The following SLC35F4 variants were observed in gnomAD, a reference collection of about 807,000 sequenced individuals.
The protein encoded by SLC35F4 is chromosome 14 open reading frame 36.
A neutral mutation model predicts 44.2 loss-of-function variants in SLC35F4; 24 were observed. The observed-to-expected ratio is 0.54, with a 90% CI of 0.39 to 0.76. The LOEUF (loss-of-function observed/expected upper bound fraction) is 0.76, where lower values mean the gene tolerates loss of function less well. Ranked by LOEUF, SLC35F4 falls within the 30% of genes least tolerant of loss-of-function variation. The pLI is 0.00. For missense variants in SLC35F4, 562 were observed against 586.1 expected, an observed-to-expected ratio of 0.96 and a Z score of 0.42; for synonymous variants, 238 against 223.6, an observed-to-expected ratio of 1.06 and a Z score of -0.57.
At position 57,661,538 on chromosome 14, in the gene SLC35F4, T is replaced by A. The variant is rs576529888; in HGVS notation, c.104-67414A>T. ...CAATGATTGCAAGCCAATAAGTACC[T>A]GTAGCAGTAATAAATCAGTAAGAAG... On this transcript the variant is annotated intron_variant, in intron 1 of 7. Coordinates refer to ENST00000556826, the MANE Select transcript of SLC35F4 (RefSeq NM_001306087.2). 5.3e-5 allele frequency among the ~76,000 whole-genome samples: 8 copies of A among 152,338 alleles called. No homozygotes were observed. In the South Asian group the frequency reaches 1.5e-3, roughly 28 times the overall value.
intron 1 of SLC35F4, among the ~76,000 whole-genome samples, chr14:57,854,717 G>C (rs1249772267): frequency 6.6e-6 from 1 of 152,168 alleles, no homozygotes; most frequent in Non-Finnish European, 1.5e-5. Flanking sequence ...ACTGGCTGTC[G>C]ATTTGCCTCA....
At chr14:57,682,331 C>A (rs1395584284) in intron 1 of SLC35F4, among the ~76,000 whole-genome samples, 9 of 152,116 alleles carry the variant, frequency 5.9e-5, no homozygotes, top group Admixed American at 4.6e-4. Context: ...AAGATGAGTT[C>A]ATATCCTTTG....
At chr14:57,957,247 C>A (rs1405186007) in intron 1 of SLC35F4, among the ~76,000 whole-genome samples, 1 of 151,824 alleles carries the variant, frequency 6.6e-6, no homozygotes, top group African/African-American at 2.4e-5. Flanking sequence ...AATGAGAACA[C>A]ATGGACATAG....
At chr14:57,975,696 G>A (rs1370716513), downstream of SLC35F4, among the ~76,000 whole-genome samples, 1 of 152,168 alleles carries the variant, frequency 6.6e-6, no homozygotes, top group Non-Finnish European at 1.5e-5. Flanking sequence ...TCTTCATTAA[G>A]CCAATAAAGA....
intron 1 of SLC35F4, among the ~76,000 whole-genome samples, chr14:57,937,500 C>T (rs1889819354): frequency 6.8e-6 from 1 of 147,648 alleles, no homozygotes; most frequent in Admixed American, 6.9e-5. Flanking sequence ...AATAGGTTAT[C>T]ATAATAGAAA....
At chr14:57,781,304 A>G (rs534000499) in intron 1 of SLC35F4, among the ~76,000 whole-genome samples, 1 of 152,322 alleles carries the variant, frequency 6.6e-6, no homozygotes, top group African/African-American at 2.4e-5. Context: ...CCCAACAAGC[A>G]TATTTTTAAA....
intron 1 of SLC35F4, among the ~76,000 whole-genome samples, chr14:57,800,564 T>A (rs1031390780): frequency 6.6e-6 from 1 of 151,996 alleles, no homozygotes; most frequent in Non-Finnish European, 1.5e-5. Context: ...AATAACAAAC[T>A]TCGCTGAGCT....
intron 1 of SLC35F4, chr14:57,604,084 T>TCACCA (rs1157329223): frequency 2.6e-5 from 4 of 152,198 alleles, no homozygotes; most frequent in African/African-American, 9.6e-5. Context: ...GATGAGCACC[T>TCACCA]GGTGGCAAGT....
At chr14:57,571,035 C>T (rs1240939970) in intron 5 of SLC35F4, among the ~76,000 whole-genome samples, 1 of 152,090 alleles carries the variant, frequency 6.6e-6, no homozygotes, top group Non-Finnish European at 1.5e-5. Context: ...AGACTTCATG[C>T]CCTCTGAGAC....
chr14:57,843,928 G>A (rs545644607), intron 1 of SLC35F4, among the ~76,000 whole-genome samples: 9 of 151,946 alleles, frequency 5.9e-5, no homozygotes, highest in Non-Finnish European at 8.8e-5. Flanking sequence ...AGTCATCTGC[G>A]GAGCTTTTTA....
At chr14:57,665,691 G>T (rs996940698) in intron 1 of SLC35F4, among the ~76,000 whole-genome samples, 8 of 152,158 alleles carry the variant, frequency 5.3e-5, no homozygotes, top group Admixed American at 2.6e-4. Context: ...TATGTTCATT[G>T]CAGCACATTC....
chr14:57,759,449 G>T (rs553679532), intron 1 of SLC35F4, among the ~76,000 whole-genome samples: 5 of 152,190 alleles, frequency 3.3e-5, no homozygotes, highest in African/African-American at 1.2e-4. Context: ...GCATAGTGGT[G>T]CATGCCTGTG....
At chr14:57,744,293 T>C (rs936568219) in intron 1 of SLC35F4, among the ~76,000 whole-genome samples, 4 of 152,212 alleles carry the variant, frequency 2.6e-5, no homozygotes, top group Non-Finnish European at 5.9e-5. Flanking sequence ...ATTGTCCCTG[T>C]TTGCAGATGA....
At chr14:57,657,543 C>A (rs574075383) in intron 1 of SLC35F4, among the ~76,000 whole-genome samples, 1 of 152,298 alleles carries the variant, frequency 6.6e-6, no homozygotes, top group East Asian at 1.9e-4. Context: ...ATGCATGCAT[C>A]ATTTCCCCCA....
intron 1 of SLC35F4, among the ~76,000 whole-genome samples, chr14:57,749,045 T>C (rs547858751): frequency 2.6e-5 from 4 of 152,276 alleles, no homozygotes; most frequent in African/African-American, 9.6e-5. Context: ...ATCCAACAGA[T>C]ACAGAGCTGG....
In SLC35F4 at chr14:57,591,134, T is replaced by C. The variant is rs542023410; in HGVS notation, c.290-1621A>G. 6.6e-5 allele frequency among the ~76,000 whole-genome samples: 10 copies of C among 152,324 alleles called. No individual in the cohort carries two copies. In the East Asian group the frequency reaches 1.2e-3, roughly 18 times the overall value. On this transcript the variant is annotated intron_variant, in intron 2 of 7. Coordinates refer to ENST00000556826, the MANE Select transcript of SLC35F4 (RefSeq NM_001306087.2). ...CTTCCATTCATTCAACCAAATCTTA[T>C]GGAGACTCTACCAGGCGCTAGTTAG...
chr14:57,888,470 A>G (rs1051318288), intron 1 of SLC35F4, among the ~76,000 whole-genome samples: 1 of 152,218 alleles, frequency 6.6e-6, no homozygotes, highest in African/African-American at 2.4e-5. Context: ...GCAAAAGGGT[A>G]ATAACAATAT....
At position 57,571,940 on chromosome 14, in the gene SLC35F4, C is replaced by G. The variant is rs772661759; in HGVS notation, c.887G>C (p.Gly296Ala). Residue 296 changes from glycine to alanine, a missense_variant, in exon 5 of 8, where the codon GGA (glycine) becomes GCA (alanine). By Grantham distance (60) the Gly-to-Ala change is moderately conservative (BLOSUM62 0). Coordinates refer to ENST00000556826, the MANE Select transcript of SLC35F4 (RefSeq NM_001306087.2). ...ADNFHADSII[G>A]VAFAVGSAST... ...GGCTGAGCCCACCGCAAATGCCACTCCTATGATGGAATCAGCGTGGAAATT... is the reference window on the plus strand; with the variant it reads ...GGCTGAGCCCACCGCAAATGCCACTGCTATGATGGAATCAGCGTGGAAATT... 10 of 1,612,582 alleles carry G rather than the reference C, an allele frequency of 6.2e-6. No individual in the cohort carries two copies. The highest frequency in any genetic ancestry group is 8.5e-6 in the Non-Finnish European group (10 of 1,179,334).
At chr14:57,812,012 G>A (rs1882025490) in intron 1 of SLC35F4, among the ~76,000 whole-genome samples, 2 of 152,100 alleles carry the variant, frequency 1.3e-5, no homozygotes, top group South Asian at 2.1e-4. Context: ...AAGGTCAAAT[G>A]TCTGAGTTTG....
Sources: gnomAD v4.1 joint callset for allele counts (sites outside exome capture counted in the v4.1 genomes callset) on GRCh38, gnomAD v4.1.1 for gene constraint, MANE v1.5 for transcripts, NCBI Gene and HGNC (gene_info 2026-07-23, HGNC 2026-07-21) for gene names.